Variants in DNAJC5 observed in about 807,000 individuals in gnomAD.
DNAJC5 encodes dnaJ homolog subfamily C member 5.
Under a neutral mutation model 23.2 loss-of-function variants are expected in DNAJC5, and 1 was observed. The ratio of observed to expected loss-of-function variants is 0.04; its 90% confidence interval spans 0.02 to 0.20. The LOEUF is 0.20. Among genes scored for constraint, DNAJC5 ranks in the 10% least tolerant of loss-of-function variants. The pLI, the probability that DNAJC5 is intolerant of heterozygous loss-of-function variation, is 1.00. For synonymous variants in DNAJC5, 136 were observed against 120.0 expected, an observed-to-expected ratio of 1.13 and a Z score of -0.87; for missense variants, 180 against 267.0, an observed-to-expected ratio of 0.67 and a Z score of 2.27.
intron 1 of DNAJC5, among the ~76,000 whole-genome samples, chr20:63,927,673 T>C (rs2053627888): frequency 6.6e-6 from 1 of 152,264 alleles, no homozygotes; most frequent in African/African-American, 2.4e-5. Context: ...TCTGTCGATT[T>C]CTGAGAAAGT....
chr20:63,899,779 C>T (rs1031140102), intron 1 of DNAJC5, among the ~76,000 whole-genome samples: 4 of 151,224 alleles, frequency 2.6e-5, no homozygotes, highest in Non-Finnish European at 4.4e-5. Context: ...GACAGGGTTT[C>T]GCGGTGTTAG....
At chr20:63,895,662 AC>A (rs1305719296) in intron 1 of DNAJC5, among the ~76,000 whole-genome samples, 2 of 150,876 alleles carry the variant, frequency 1.3e-5, no homozygotes, top group Admixed American at 1.3e-4. Context: ...GCCGCCCCCA[AC>A]CCCCCGGGGT....
chr20:63,925,994 AT>A (rs1382973398), intron 1 of DNAJC5, among the ~76,000 whole-genome samples: 1 of 151,600 alleles, frequency 6.6e-6, no homozygotes, highest in Non-Finnish European at 1.5e-5. Flanking sequence ...CTTCCGGCTA[AT>A]TTTTTTGTAT....
chr20:63,915,642 CATT>C (rs1251573463), intron 1 of DNAJC5, among the ~76,000 whole-genome samples: 1 of 152,186 alleles, frequency 6.6e-6, no homozygotes, highest in Non-Finnish European at 1.5e-5. Context: ...CCGTACCAGT[CATT>C]GTTGAGGCTG....
At chr20:63,927,376 A>G (rs2053624943) in intron 1 of DNAJC5, among the ~76,000 whole-genome samples, 1 of 152,144 alleles carries the variant, frequency 6.6e-6, no homozygotes, top group Non-Finnish European at 1.5e-5. Context: ...TCTCTACTAA[A>G]AATACCAAAA....
chr20:63,896,132 T>C (rs1374773055), intron 1 of DNAJC5, among the ~76,000 whole-genome samples: 1 of 152,240 alleles, frequency 6.6e-6, no homozygotes, highest in Non-Finnish European at 1.5e-5. Flanking sequence ...CTTATTTGCC[T>C]GTTTAGAAAA....
At position 63,899,826 on chromosome 20, in the gene DNAJC5, C is replaced by CCG. The variant is rs1568973631; in HGVS notation, c.-12+4504_-12+4505insGC. Among the ~76,000 whole-genome samples, 12 of 151,152 alleles carry CCG rather than the reference C, an allele frequency of 7.9e-5. 1 individual carries two copies. The highest frequency in any genetic ancestry group is 9.7e-5 in the African/African-American group (4 of 41,130). On this transcript the variant is annotated intron_variant, in intron 1 of 4. Coordinates refer to ENST00000360864, the MANE Select transcript of DNAJC5 (RefSeq NM_025219.3). ...TCGATCTCCTGACCTTGTGATCCGC[C>CCG]CATCTTGGCCTCCCAAAGTGCTGGG...
In DNAJC5 at chr20:63,928,336, A is replaced by C. The variant is rs1411309803; in HGVS notation, c.-10A>C. 6.2e-7 allele frequency: 1 copy of C among 1,611,644 alleles called. No individual in the cohort carries two copies. The highest frequency in any genetic ancestry group is 2.2e-5 in the East Asian group (1 of 44,886). On this transcript the variant is annotated splice_region_variant and 5_prime_UTR_variant, in exon 2 of 5. Transcript: ENST00000360864. The surrounding 1 kb of genome is among the most constrained non-coding windows in gnomAD (Gnocchi z 4.6). ...CTTTCTTTTTATTTTTTCTTCTAGAATAGCCTAACATGGCAGACCAGAGAC... is the reference window on the plus strand; with the variant it reads ...CTTTCTTTTTATTTTTTCTTCTAGACTAGCCTAACATGGCAGACCAGAGAC...
rs531379663 is a variant in DNAJC5, at chr20:63,901,597, G to A, written c.-12+6274G>A. Among the ~76,000 whole-genome samples, 5 of 152,340 alleles carry A rather than the reference G, an allele frequency of 3.3e-5. No homozygotes were observed. In the East Asian group the frequency reaches 7.7e-4, roughly 24 times the overall value. On this transcript the variant is annotated intron_variant, in intron 1 of 4. Coordinates refer to ENST00000360864, the MANE Select transcript of DNAJC5 (RefSeq NM_025219.3). ...AGCCCAGGCCAGAGGCCTCTACCCC[G>A]GACGAGGCTGCAGGTGCCTGACGGG...
At chr20:63,903,978 C>G (rs972846236) in intron 1 of DNAJC5, among the ~76,000 whole-genome samples, 4 of 152,014 alleles carry the variant, frequency 2.6e-5, no homozygotes, top group Admixed American at 2.6e-4. Flanking sequence ...CCCAGCTACT[C>G]GAGAGGCTGA....
chr20:63,898,446 G>A (rs2146267732), intron 1 of DNAJC5, among the ~76,000 whole-genome samples: 1 of 152,232 alleles, frequency 6.6e-6, no homozygotes, highest in Admixed American at 6.5e-5. Context: ...GGGCTGGGTT[G>A]GAAAAAGCCA....
Position 63,931,790 on chromosome 20 carries a change from T to G in DNAJC5, c.*222T>G, listed in dbSNP as rs2053674787. 3 of 595,830 alleles carry G rather than the reference T, an allele frequency of 5.0e-6. No individual in the cohort carries two copies. Among genetic ancestry groups the G allele is most frequent in the Non-Finnish European group, 9.1e-6 (3 of 331,002 alleles). The allele number at this position is 595,830 out of a possible 1,614,324, so 36.9% of individuals were successfully genotyped here. A position where few individuals can be genotyped will look rare whatever the true frequency, so the allele number is the denominator to read the frequency against. On this transcript the variant is annotated 3_prime_UTR_variant, in exon 5 of 5. Transcript: ENST00000360864. The surrounding 1 kb of genome is among the most constrained non-coding windows in gnomAD (Gnocchi z 9.6). ...AGCTACGGTCTTCTGTTTTTTTCCC[T>G]TTTTTAATAGCATGTATGGGGTTCT...
chr20:63,926,070 T>C (rs1006778243), intron 1 of DNAJC5, among the ~76,000 whole-genome samples: 14 of 152,166 alleles, frequency 9.2e-5, no homozygotes, highest in South Asian at 2.1e-4. Context: ...TCTCGTGATC[T>C]GCCCGCCTTG....
chr20:63,910,889 T>G (rs949991070), intron 1 of DNAJC5, among the ~76,000 whole-genome samples: 2 of 152,102 alleles, frequency 1.3e-5, no homozygotes, highest in African/African-American at 2.4e-5. Flanking sequence ...GCCAGGCTGG[T>G]CTATCTCCTG....
chr20:63,909,782 C>T (rs572212419), intron 1 of DNAJC5, among the ~76,000 whole-genome samples: 1 of 152,228 alleles, frequency 6.6e-6, no homozygotes, highest in African/African-American at 2.4e-5. Context: ...GAAGTATGTC[C>T]AGACTCATCT....
intron 1 of DNAJC5, among the ~76,000 whole-genome samples, chr20:63,896,022 T>A (rs1187883324): frequency 6.6e-6 from 1 of 152,214 alleles, no homozygotes; most frequent in Non-Finnish European, 1.5e-5. Flanking sequence ...ATTCATTCAG[T>A]TGTGTCATAC....
rs138122310 is a variant in DNAJC5, at chr20:63,935,131, C to T, written c.*3563C>T. The T allele has an allele frequency of 6.6e-6, 1 of 152,446 alleles. No individual in the cohort carries two copies. The highest frequency in any genetic ancestry group is 1.9e-4 in the East Asian group (1 of 5,192). The allele number at this position is 152,446 out of a possible 1,614,324, so 9.4% of individuals were successfully genotyped here. ...TGGCAAAAGCTACATTTTTACTGTC[C>T]TTACCAGCAACAGTTTGCGTCGTCA... On this transcript the variant is annotated 3_prime_UTR_variant, in exon 5 of 5. Coordinates refer to ENST00000360864, the MANE Select transcript of DNAJC5 (RefSeq NM_025219.3).
chr20:63,895,186 G>T lies in DNAJC5; in HGVS notation c.-149G>T. 1 of 154,294 alleles carries T rather than the reference G, an allele frequency of 6.5e-6. No individual in the cohort carries two copies. Among genetic ancestry groups the T allele is most frequent in the Non-Finnish European group, 1.4e-5 (1 of 70,316 alleles). The allele number at this position is 154,294 out of a possible 1,614,324, so 9.6% of individuals were successfully genotyped here. A position where few individuals can be genotyped will look rare whatever the true frequency, so the allele number is the denominator to read the frequency against. On this transcript the variant is annotated 5_prime_UTR_variant, in exon 1 of 5. Transcript: ENST00000360864. ...CGCTGCCGCTGCCGGTGCCGCACCCGCGCCCTCTGCCGCCGCCGCCGCCGC... is the reference window on the plus strand; with the variant it reads ...CGCTGCCGCTGCCGGTGCCGCACCCTCGCCCTCTGCCGCCGCCGCCGCCGC...
intron 1 of DNAJC5, among the ~76,000 whole-genome samples, chr20:63,914,403 C>G (rs550227852): frequency 2.6e-5 from 4 of 152,102 alleles, no homozygotes; most frequent in Non-Finnish European, 4.4e-5. Context: ...CAAGCTCCCC[C>G]TCCTGGGTTC....
Sources: allele counts gnomAD v4.1 joint callset (sites outside exome capture counted in the v4.1 genomes callset), GRCh38; gene constraint gnomAD v4.1.1; non-coding constraint Gnocchi (gnomAD v3.1); transcripts MANE v1.5; gene names NCBI Gene and HGNC (gene_info 2026-07-23, HGNC 2026-07-21).